Variants in ENOX2 observed in about 807,000 individuals in gnomAD.
ENOX2 encodes the protein APK1 antigen.
A neutral mutation model predicts 45.0 loss-of-function variants in ENOX2; 36 were observed. The ratio of observed to expected loss-of-function variants is 0.80; its 90% CI spans 0.61 to 1.06. ENOX2 has a LOEUF of 1.06. Among genes scored for constraint, ENOX2 ranks in the 50% least tolerant of loss-of-function variants. The probability of loss-of-function intolerance (pLI) is 0.00; values close to 1 mark genes in which losing one functional copy is unlikely to be tolerated. For synonymous variants in ENOX2, 174 were observed against 152.3 expected (o/e 1.14, Z -1.05); for missense variants, 423 against 462.5 (o/e 0.91, Z 0.78).
chrX:130,812,515 C>T (rs2077406883), intron 2 of ENOX2, among the ~76,000 whole-genome samples: 1 of 111,905 alleles, frequency 8.9e-6, no homozygotes, highest in Non-Finnish European at 1.9e-5. Flanking sequence ...TAAAGGAAAT[C>T]ACTTCATCAC....
chrX:130,884,918 A>T (rs1381918544), intron 2 of ENOX2, among the ~76,000 whole-genome samples: 5 of 112,094 alleles, frequency 4.5e-5, no homozygotes, highest in Admixed American at 9.4e-5. Context: ...AAACAATCTT[A>T]TAAGTTCATC....
At chrX:130,749,421 A>C (rs2039164313) in intron 3 of ENOX2, among the ~76,000 whole-genome samples, 1 of 111,442 alleles carries the variant, frequency 9.0e-6, no homozygotes, top group Non-Finnish European at 1.9e-5. Context: ...TCCAGGGAGA[A>C]AGGAAGCATG....
At chrX:130,889,237 T>C (rs1432939616) in intron 2 of ENOX2, among the ~76,000 whole-genome samples, 1 of 111,303 alleles carries the variant, frequency 9.0e-6, no homozygotes, top group East Asian at 2.8e-4. Context: ...TTTCCATCTG[T>C]ATGGTGGTTC....
At chrX:130,784,927 T>C (rs1179959233) in intron 2 of ENOX2, among the ~76,000 whole-genome samples, 2 of 107,543 alleles carry the variant, frequency 1.9e-5, no homozygotes, top group South Asian at 4.2e-4. Flanking sequence ...CTATGGCCCA[T>C]AGCTGTACAA....
chrX:130,632,669 G>A, intron 12 of ENOX2, among the ~76,000 whole-genome samples: 1 of 111,751 alleles, frequency 8.9e-6, no homozygotes, highest in East Asian at 2.8e-4. Context: ...GATTCCTTCT[G>A]TTTTCTTCAA....
At chrX:130,839,033 C>A (rs980237666) in intron 2 of ENOX2, among the ~76,000 whole-genome samples, 2 of 112,157 alleles carry the variant, frequency 1.8e-5, no homozygotes, top group African/African-American at 6.5e-5. Flanking sequence ...GTGTCTCTTG[C>A]AATCCATTTT....
rs1230907177 is a variant in ENOX2 at position 130,686,547 on chromosome X, GA to G, written c.253+2315del. ...CAGGTGTTTCTTTATAGCAATGTGAGAACAGACTAATACAATAATCAAGGCC... is the reference window on the plus strand; with the variant it reads ...CAGGTGTTTCTTTATAGCAATGTGAGACAGACTAATACAATAATCAAGGCC... On this transcript the variant is annotated intron_variant, in intron 5 of 14. Coordinates refer to ENST00000394363, the MANE Select transcript of ENOX2 (RefSeq NM_006375.4). 4.5e-5 allele frequency among the ~76,000 whole-genome samples: 5 copies of G among 111,556 alleles called. No homozygotes were observed. The Admixed American group carries it at 4.8e-4, about 11-fold the overall frequency.
At chrX:130,835,378 T>C (rs1349450379) in intron 2 of ENOX2, among the ~76,000 whole-genome samples, 1 of 111,255 alleles carries the variant, frequency 9.0e-6, no homozygotes, top group African/African-American at 3.3e-5. Flanking sequence ...GTCTCAGTTT[T>C]ACAGATGAGG....
intron 3 of ENOX2, among the ~76,000 whole-genome samples, chrX:130,774,052 A>T (rs968668386): frequency 1.8e-5 from 2 of 112,073 alleles, no homozygotes; most frequent in Non-Finnish European, 3.8e-5. Context: ...GTGTTGAGAT[A>T]CCTAGAGAGG....
At chrX:130,757,002 C>T (rs905337219) in intron 3 of ENOX2, among the ~76,000 whole-genome samples, 1 of 112,464 alleles carries the variant, frequency 8.9e-6, no homozygotes, top group Admixed American at 9.4e-5. Flanking sequence ...CACAGTGCTA[C>T]ATAATTGTTC....
chrX:130,715,699 A>G (rs958641252), intron 3 of ENOX2, among the ~76,000 whole-genome samples: 2 of 111,384 alleles, frequency 1.8e-5, no homozygotes, highest in African/African-American at 3.3e-5. Flanking sequence ...AAGTAGGGTT[A>G]TAACAGTGGT....
At chrX:130,711,893 T>A (rs980304129) in intron 3 of ENOX2, among the ~76,000 whole-genome samples, 6 of 110,380 alleles carry the variant, frequency 5.4e-5, no homozygotes, top group Admixed American at 1.9e-4. Flanking sequence ...GTAGTGAGGG[T>A]GGGGTGAGGG....
At chrX:130,752,875 A>G (rs375172115) in intron 3 of ENOX2, among the ~76,000 whole-genome samples, 1 of 109,525 alleles carries the variant, frequency 9.1e-6, no homozygotes, top group African/African-American at 3.3e-5. Flanking sequence ...GCTTCTCTCT[A>G]TGATGATCTG....
intron 9 of ENOX2, among the ~76,000 whole-genome samples, chrX:130,665,396 T>C (rs769712532): frequency 8.9e-6 from 1 of 112,172 alleles, no homozygotes; most frequent in Non-Finnish European, 1.9e-5. Flanking sequence ...CCCAGCTACA[T>C]TTTCACTACT....
intron 4 of ENOX2, among the ~76,000 whole-genome samples, chrX:130,699,158 A>T (rs1327713436): frequency 8.9e-6 from 1 of 111,865 alleles, no homozygotes; most frequent in African/African-American, 3.2e-5. Flanking sequence ...GCCAGAGGGG[A>T]CCTCCTGATC....
intron 4 of ENOX2, among the ~76,000 whole-genome samples, chrX:130,695,769 A>T (rs990951512): frequency 2.7e-5 from 3 of 112,088 alleles, no homozygotes; most frequent in Non-Finnish European, 5.6e-5. Context: ...ATGCCTGTGT[A>T]CTGGGAAATT....
In ENOX2 at chrX:130,622,578, T is replaced by A. The variant is rs1569474307; in HGVS notation, c.*2736A>T. The stretch of plus-strand genomic sequence containing the variant: ...ACAAAAGAAACCTTCCATTCATTAT[T>A]ATATTGAAGAAACGCTAACTACTGT... On this transcript the variant is annotated 3_prime_UTR_variant, in exon 15 of 15. Coordinates refer to ENST00000394363, the MANE Select transcript of ENOX2 (RefSeq NM_006375.4). Among the ~76,000 whole-genome samples, 1 of 111,693 alleles carries A rather than the reference T, an allele frequency of 9.0e-6. No individual in the cohort carries two copies. The highest frequency in any genetic ancestry group is 3.3e-5 in the African/African-American group (1 of 30,740).
At chrX:130,695,273 A>C in intron 4 of ENOX2, among the ~76,000 whole-genome samples, 1 of 111,980 alleles carries the variant, frequency 8.9e-6, no homozygotes, top group East Asian at 2.8e-4. Context: ...GCATTGTCAC[A>C]GTGTTTTGGG....
chrX:130,688,951 T>G lies in ENOX2; in HGVS notation c.165A>C (p.Gly55=). Reference sequence around the variant, plus strand: ...CTGGAGGAATTGGTGGAGGTACTATTCCCAAACCAGGCATCATTGGAGTTA... The same window carrying G: ...CTGGAGGAATTGGTGGAGGTACTATGCCCAAACCAGGCATCATTGGAGTTA... The part of the protein sequence containing the change: ...PPITPMMPGL[G]IVPPPIPPDM... Residue 55 remains glycine, a synonymous_variant, in exon 5 of 15, where the codon GGA becomes GGC. Transcript: ENST00000394363. 1 of 1,202,206 alleles carries G rather than the reference T, an allele frequency of 8.3e-7. No individual in the cohort carries two copies. The highest frequency in any genetic ancestry group is 1.1e-6 in the Non-Finnish European group (1 of 886,884).
Sources: allele counts gnomAD v4.1 joint callset (sites outside exome capture counted in the v4.1 genomes callset), GRCh38; gene constraint gnomAD v4.1.1; transcripts MANE v1.5; gene names NCBI Gene and HGNC (gene_info 2026-07-23, HGNC 2026-07-21).